VWCE: variants seen among roughly 807,000 people sequenced by gnomAD.
The protein encoded by VWCE is von Willebrand factor C and EGF domains.
Under a neutral mutation model 102.9 loss-of-function variants are expected in VWCE, and 68 were observed. That is an observed-to-expected ratio of 0.66 (90% CI 0.54 to 0.81). VWCE has a LOEUF of 0.81. Among genes scored for constraint, VWCE ranks in the 30% least tolerant of loss-of-function variants. The pLI is 0.00. For missense variants in VWCE, 1,137 were observed against 1,263.6 expected, an observed-to-expected ratio of 0.90 and a Z score of 1.52; for synonymous variants, 497 against 515.4, an observed-to-expected ratio of 0.96 and a Z score of 0.48.
At chr11:61,279,398 T>C (rs1313248613) in intron 9 of VWCE, among the ~76,000 whole-genome samples, 4 of 151,762 alleles carry the variant, frequency 2.6e-5, no homozygotes, top group African/African-American at 9.7e-5. Context: ...GGCGAAACAC[T>C]GTTGCCAATA....
chr11:61,274,581 C>G lies in VWCE; in HGVS notation c.1499G>C (p.Arg500Thr). The change falls in exon 12 of 20, where the codon AGA (arginine) becomes ACA (threonine). Residue 500 changes from arginine to threonine, a missense_variant. Transcript: ENST00000335613. ...QTDCCTCVPV[R>T]CYFHGRWYAD... Reference sequence around the variant, plus strand: ...GTACCACCGGCCGTGGAAATAGCATCTCACTGCAGAGGAGAAAGGGAGAAG... The same window carrying G: ...GTACCACCGGCCGTGGAAATAGCATGTCACTGCAGAGGAGAAAGGGAGAAG... 1.2e-6 allele frequency: 2 copies of G among 1,613,856 alleles called. No homozygotes were observed.
At chr11:61,271,251 T>G (rs1854687239) in intron 14 of VWCE, 1 of 183,104 alleles carries the variant, frequency 5.5e-6, no homozygotes, top group African/African-American at 2.3e-5. Context: ...GTTCAAACGA[T>G]TCTCCTGCCT....
chr11:61,292,961 G>C (rs1354592994), intron 1 of VWCE, among the ~76,000 whole-genome samples: 1 of 151,982 alleles, frequency 6.6e-6, no homozygotes, highest in Non-Finnish European at 1.5e-5. Flanking sequence ...AAAAATACAG[G>C]CCGGGCGCGG....
At chr11:61,290,170 T>C (rs531596376) in intron 4 of VWCE, among the ~76,000 whole-genome samples, 1 of 152,254 alleles carries the variant, frequency 6.6e-6, no homozygotes, top group Non-Finnish European at 1.5e-5. Flanking sequence ...CCCATGACAA[T>C]GGAGCTGTTC....
chr11:61,294,672 C>T lies in VWCE; in HGVS notation c.110+256G>A, dbSNP rs1162561920. On this transcript the variant is annotated intron_variant, in intron 1 of 19. Transcript: ENST00000335613. This position sits in a 1 kb window ranked among gnomAD's most constrained non-coding sequence, Gnocchi z 6.3. ...GCGCTCCAGGGCACATTAGGAGTCA[C>T]CCAACGCCTGGACCTCCGATCTCCC... Among the ~76,000 whole-genome samples, 2 of 152,152 alleles carry T rather than the reference C, an allele frequency of 1.3e-5. No individual in the cohort carries two copies. Among genetic ancestry groups the T allele is most frequent in the Non-Finnish European group, 2.9e-5 (2 of 68,008 alleles).
At chr11:61,266,557 A>AT (rs1375113835) in intron 16 of VWCE, among the ~76,000 whole-genome samples, 1 of 152,074 alleles carries the variant, frequency 6.6e-6, no homozygotes, top group Admixed American at 6.6e-5. Context: ...CAAAAAAAAA[A>AT]CAATTTTTTT....
chr11:61,260,220 A>G (rs1822942440), intron 19 of VWCE, among the ~76,000 whole-genome samples: 1 of 152,140 alleles, frequency 6.6e-6, no homozygotes, highest in East Asian at 1.9e-4. Flanking sequence ...GTGCCACTGC[A>G]CTCCAGCCTG....
At chr11:61,291,157 T>C (rs572100043) in intron 3 of VWCE, 107 bp downstream of exon 3, 114 of 1,258,516 alleles carry the variant, frequency 9.1e-5, no homozygotes, top group Middle Eastern at 7.3e-4. Flanking sequence ...CCTAATGGAG[T>C]TGTCTGAAGC....
At chr11:61,272,048 A>T (rs1390188508) in intron 13 of VWCE, among the ~76,000 whole-genome samples, 1 of 152,148 alleles carries the variant, frequency 6.6e-6, no homozygotes, top group Non-Finnish European at 1.5e-5. Flanking sequence ...ACACACACAG[A>T]TACAACAGAC....
At chr11:61,267,426 T>C in intron 16 of VWCE, 36 bp downstream of exon 16, 1 of 1,605,912 alleles carries the variant, frequency 6.2e-7, no homozygotes, top group Non-Finnish European at 8.5e-7. Flanking sequence ...GTGGGGGAGT[T>C]TCCAGGGGCG....
intron 14 of VWCE, among the ~76,000 whole-genome samples, chr11:61,270,841 TTTTTGA>T (rs1854669450): frequency 6.6e-6 from 1 of 151,614 alleles, no homozygotes; most frequent in African/African-American, 2.4e-5. Context: ...TTTTTTTTTT[TTTTTGA>T]AACAGGATCT....
At chr11:61,270,434 T>G (rs1854650343) in intron 14 of VWCE, among the ~76,000 whole-genome samples, 1 of 152,200 alleles carries the variant, frequency 6.6e-6, no homozygotes, top group Non-Finnish European at 1.5e-5. Context: ...GACTCGAAGC[T>G]CTTAAAGTAG....
At chr11:61,264,410 A>G in intron 19 of VWCE, 77 bp downstream of exon 19, 2 of 1,416,806 alleles carry the variant, frequency 1.4e-6, no homozygotes, top group African/African-American at 1.4e-5. Context: ...AGCCCTTTAC[A>G]AGTTCTATGT....
At chr11:61,288,072 C>T (rs1047518227) in intron 4 of VWCE, among the ~76,000 whole-genome samples, 1 of 148,226 alleles carries the variant, frequency 6.7e-6, no homozygotes, top group African/African-American at 2.5e-5. Flanking sequence ...GCATAAGAAT[C>T]GCTGAACCAG....
At chr11:61,282,950 A>G in intron 5 of VWCE, 45 bp from the exon 6 acceptor site, 1 of 1,525,436 alleles carries the variant, frequency 6.6e-7, no homozygotes, top group Non-Finnish European at 9.1e-7. Flanking sequence ...CCCCAACAGA[A>G]CCTTGGAAAT....
chr11:61,274,698 C>T (rs1180316338), intron 11 of VWCE, 114 bp from the exon 12 acceptor site: 17 of 775,244 alleles, frequency 2.2e-5, no homozygotes, highest in Non-Finnish European at 3.0e-5. Flanking sequence ...CCACAACACT[C>T]CACAGCATGC....
At chr11:61,266,052 A>T (rs11230652) in intron 16 of VWCE, among the ~76,000 whole-genome samples, 4 of 151,868 alleles carry the variant, frequency 2.6e-5, no homozygotes, top group Non-Finnish European at 5.9e-5. Flanking sequence ...CTCAAAAAAA[A>T]AAAAATAAAA....
chr11:61,273,274 C>T lies in VWCE; in HGVS notation c.1624G>A (p.Ala542Thr). Residue 542 changes from alanine to threonine, a missense_variant, in exon 13 of 20, where the codon GCC (alanine) becomes ACC (threonine). Ala to Thr is a moderately conservative substitution (Grantham distance 58, BLOSUM62 0). This residue lies in a region of VWCE where 212 missense variants were observed against 235.1 expected (regional missense o/e 0.90). Coordinates refer to ENST00000335613, the MANE Select transcript of VWCE (RefSeq NM_152718.2). ...AGCCGCCACTCTTCTCGGGGGCAGGCCAGCTCAGGGCAGGGCATGAAGGAG... is the reference window on the plus strand; with the variant it reads ...AGCCGCCACTCTTCTCGGGGGCAGGTCAGCTCAGGGCAGGGCATGAAGGAG... ...ECSFMPCPEL[A>T]CPREEWRLGP... 1.2e-6 allele frequency: 2 copies of T among 1,613,794 alleles called. No homozygotes were observed. Among genetic ancestry groups the T allele is most frequent in the Non-Finnish European group, 1.7e-6 (2 of 1,179,906 alleles).
At chr11:61,278,088 A>G (rs1854981829) in intron 10 of VWCE, among the ~76,000 whole-genome samples, 1 of 152,198 alleles carries the variant, frequency 6.6e-6, no homozygotes, top group African/African-American at 2.4e-5. Context: ...CCTGGAGAGA[A>G]AAACAGCTTC....
Sources: gnomAD v4.1 joint callset for allele counts (sites outside exome capture counted in the v4.1 genomes callset) on GRCh38, gnomAD v4.1.1 for gene constraint, gnomAD v4.1.1 regional missense constraint, Gnocchi (gnomAD v3.1) non-coding constraint, MANE v1.5 for transcripts, NCBI Gene and HGNC (gene_info 2026-07-23, HGNC 2026-07-21) for gene names.